The following TMEM217B variants were observed in gnomAD, a reference collection of about 807,000 sequenced individuals.
TMEM217B encodes the protein putative transmembrane protein 217B.
chr6:37,243,218 A>G, the TMEM217B span, among the ~76,000 whole-genome samples: 1 of 152,112 alleles, frequency 6.6e-6, no homozygotes, highest in African/African-American at 2.4e-5. Context: ...AAGGGCTATT[A>G]CTCTCTGTTT....
the TMEM217B span, chr6:37,258,139 C>A: frequency 4.0e-6 from 3 of 751,286 alleles, no homozygotes; most frequent in Non-Finnish European, 4.2e-6. Flanking sequence ...AAGCGAACAG[C>A]GAGCTTTGGG....
At chr6:37,251,077 G>T in the TMEM217B span, among the ~76,000 whole-genome samples, 1 of 152,236 alleles carries the variant, frequency 6.6e-6, no homozygotes, top group African/African-American at 2.4e-5. Context: ...CAGGAAATGG[G>T]CCCTCACCAG....
the TMEM217B span, among the ~76,000 whole-genome samples, chr6:37,222,938 G>C: frequency 6.6e-6 from 1 of 151,580 alleles, no homozygotes; most frequent in African/African-American, 2.4e-5. Context: ...ATTTGAAAAA[G>C]AACCCAAATA....
the TMEM217B span, among the ~76,000 whole-genome samples, chr6:37,225,867 C>A: frequency 6.6e-5 from 10 of 152,072 alleles, no homozygotes; most frequent in Non-Finnish European, 1.5e-4. Context: ...ATTAGGGGTG[C>A]TCTCACCTTC....
At chr6:37,224,565 T>C in the TMEM217B span, among the ~76,000 whole-genome samples, 15 of 151,346 alleles carry the variant, frequency 9.9e-5, no homozygotes, top group African/African-American at 3.4e-4. Context: ...ACCACTGCAC[T>C]CCAGGCTGGG....
chr6:37,252,019 G>A, the TMEM217B span, among the ~76,000 whole-genome samples: 6 of 151,992 alleles, frequency 3.9e-5, no homozygotes, highest in Non-Finnish European at 7.4e-5. Context: ...TCAGCCTCCC[G>A]AGTAGCTGGG....
chr6:37,256,237 A>G, the TMEM217B span, among the ~76,000 whole-genome samples: 241 of 152,332 alleles, frequency 1.6e-3, no homozygotes, highest in Middle Eastern at 3.4e-3. Context: ...TGAACTCTGA[A>G]CTGCTGGTTG....
At chr6:37,244,042 G>A in the TMEM217B span, among the ~76,000 whole-genome samples, 1 of 152,222 alleles carries the variant, frequency 6.6e-6, no homozygotes, top group East Asian at 1.9e-4. Context: ...CAAATTTTGT[G>A]ACCTCTGGAA....
chr6:37,215,335 GA>G, the TMEM217B span: 1 of 1,586,194 alleles, frequency 6.3e-7, no homozygotes, highest in Non-Finnish European at 8.6e-7. Context: ...TAAGAGAAAA[GA>G]AAACTTGAGG....
chr6:37,252,815 T>C, the TMEM217B span, among the ~76,000 whole-genome samples: 6 of 151,536 alleles, frequency 4.0e-5, no homozygotes, highest in African/African-American at 1.5e-4. Flanking sequence ...ATTTTTTGTA[T>C]TTTTGATAGA....
the TMEM217B span, among the ~76,000 whole-genome samples, chr6:37,255,185 A>G: frequency 6.6e-6 from 1 of 152,200 alleles, no homozygotes; most frequent in Non-Finnish European, 1.5e-5. Flanking sequence ...CGCTTTAAAG[A>G]AAAATAGAGC....
At chr6:37,217,624 G>C in the TMEM217B span, 2 of 985,116 alleles carry the variant, frequency 2.0e-6, no homozygotes, top group Non-Finnish European at 2.4e-6. Context: ...GGGGAAATTC[G>C]AGACATAAAT....
the TMEM217B span, among the ~76,000 whole-genome samples, chr6:37,229,532 CG>C: frequency 6.6e-6 from 1 of 151,706 alleles, no homozygotes; most frequent in African/African-American, 2.4e-5. Flanking sequence ...TTAGTAGAAA[CG>C]GGGTTTCACC....
chr6:37,233,774 C>T, the TMEM217B span, among the ~76,000 whole-genome samples: 1 of 152,106 alleles, frequency 6.6e-6, no homozygotes, highest in East Asian at 1.9e-4. Context: ...CGCTAACTAA[C>T]GAAGTTACTA....
chr6:37,253,974 T>A, the TMEM217B span, among the ~76,000 whole-genome samples: 1 of 152,192 alleles, frequency 6.6e-6, no homozygotes, highest in Non-Finnish European at 1.5e-5. Context: ...TGTTTAACCC[T>A]CTTTTGAATG....
chr6:37,254,935 C>G, the TMEM217B span, among the ~76,000 whole-genome samples: 1 of 152,104 alleles, frequency 6.6e-6, no homozygotes, highest in Non-Finnish European at 1.5e-5. Flanking sequence ...ATAAGGAGTG[C>G]GCAATGCAAC....
chr6:37,213,742 G>A, the TMEM217B span, among the ~76,000 whole-genome samples: 1 of 152,246 alleles, frequency 6.6e-6, no homozygotes, highest in Non-Finnish European at 1.5e-5. Flanking sequence ...TGTTGATAAT[G>A]GGGGACCTAA....
the TMEM217B span, chr6:37,218,214 G>C: frequency 7.6e-7 from 1 of 1,318,630 alleles, no homozygotes; most frequent in Non-Finnish European, 9.7e-7. Flanking sequence ...CTGTCACTCA[G>C]GCTGAAGTGC....
the TMEM217B span, among the ~76,000 whole-genome samples, chr6:37,223,733 T>C: frequency 6.6e-6 from 1 of 152,134 alleles, no homozygotes; most frequent in African/African-American, 2.4e-5. Context: ...GCTCTCAAAC[T>C]CCTGACCTCA....
Sources: allele counts gnomAD v4.1 joint callset (sites outside exome capture counted in the v4.1 genomes callset), GRCh38; gene constraint gnomAD v4.1.1; transcripts MANE v1.5; gene names NCBI Gene and HGNC (gene_info 2026-07-23, HGNC 2026-07-21).